The following COL24A1 variants were observed in gnomAD, a reference collection of about 807,000 sequenced individuals.
The protein encoded by COL24A1 is collagen alpha-1(XXIV) chain.
COL24A1 carries 224 observed loss-of-function variants against 253.9 expected under a neutral mutation model. The ratio of observed to expected loss-of-function variants is 0.88; its 90% CI spans 0.79 to 0.99. The LOEUF is 0.99. Among genes scored for constraint, COL24A1 ranks in the 50% least tolerant of loss-of-function variants. The pLI is 0.00. For synonymous variants in COL24A1, 685 were observed against 673.7 expected (o/e 1.02, Z -0.26); for missense variants, 2,131 against 2,068.5 (o/e 1.03, Z -0.59).
intron 5 of COL24A1, among the ~76,000 whole-genome samples, chr1:86,111,061 A>G (rs1705534687): frequency 6.6e-6 from 1 of 152,238 alleles, no homozygotes; most frequent in Non-Finnish European, 1.5e-5. Flanking sequence ...AGGATTGTAC[A>G]TGCGCCAATC....
chr1:85,980,052 G>A (rs1480207731), intron 20 of COL24A1, among the ~76,000 whole-genome samples: 1 of 152,100 alleles, frequency 6.6e-6, no homozygotes, highest in Non-Finnish European at 1.5e-5. Flanking sequence ...CAATAAATGT[G>A]ATACATCACA....
chr1:85,824,903 TTTATTATTA>T (rs67610324), intron 43 of COL24A1, among the ~76,000 whole-genome samples: 10,755 of 144,722 alleles, frequency 0.074, 1,069 homozygotes, highest in African/African-American at 0.22. Flanking sequence ...TATTTATTCT[TTTATTATTA>T]TTATTATTAT....
chr1:85,846,230 C>CA (rs1229262479), intron 39 of COL24A1, among the ~76,000 whole-genome samples: 1 of 151,240 alleles, frequency 6.6e-6, no homozygotes, highest in Non-Finnish European at 1.5e-5. Flanking sequence ...AAAATACCCA[C>CA]AAAAAAACCA....
intron 39 of COL24A1, among the ~76,000 whole-genome samples, chr1:85,845,675 C>T (rs1677078675): frequency 6.6e-6 from 1 of 151,654 alleles, no homozygotes; most frequent in Admixed American, 6.6e-5. Context: ...AATATAATAG[C>T]ACCAACAGCA....
intron 14 of COL24A1, among the ~76,000 whole-genome samples, chr1:86,024,224 A>G (rs922707034): frequency 2.0e-5 from 3 of 152,164 alleles, no homozygotes; most frequent in African/African-American, 7.2e-5. Context: ...GACAGTTACC[A>G]GTACTAGAAT....
intron 41 of COL24A1, 126 bp downstream of exon 41, chr1:85,841,942 T>C: frequency 1.5e-6 from 1 of 688,566 alleles, no homozygotes; most frequent in Non-Finnish European, 2.5e-6. Flanking sequence ...CTTCCAGAAT[T>C]AGTAAAATTT....
intron 18 of COL24A1, among the ~76,000 whole-genome samples, chr1:86,020,129 G>A (rs583203): frequency 0.33 from 46,232 of 141,546 alleles, 7,792 homozygotes; most frequent in Middle Eastern, 0.52. Flanking sequence ...GTCCAGTGGC[G>A]CAATCTTGAC....
At chr1:85,980,324 T>C (rs752875326) in intron 20 of COL24A1, among the ~76,000 whole-genome samples, 4 of 152,162 alleles carry the variant, frequency 2.6e-5, no homozygotes, top group Non-Finnish European at 4.4e-5. Flanking sequence ...ATTGTACTGG[T>C]AGTCCTAGCC....
intron 47 of COL24A1, among the ~76,000 whole-genome samples, chr1:85,799,742 T>C (rs998801392): frequency 5.3e-5 from 8 of 152,248 alleles, no homozygotes; most frequent in Non-Finnish European, 7.3e-5. Context: ...GAGAAAATTA[T>C]TTTATTTTTA....
intron 20 of COL24A1, among the ~76,000 whole-genome samples, chr1:85,971,781 T>G (rs1056074606): frequency 6.6e-6 from 1 of 152,118 alleles, no homozygotes; most frequent in Admixed American, 6.5e-5. Context: ...TAATATCTAT[T>G]AAGAGATCTG....
Position 85,875,330 on chromosome 1 carries a change from C to G in COL24A1, c.3031G>C (p.Gly1011Arg), listed in dbSNP as rs1219018970. The G allele has an allele frequency of 6.2e-7, 1 of 1,612,944 alleles. No homozygotes were observed. Among genetic ancestry groups the G allele is most frequent in the East Asian group, 2.2e-5 (1 of 44,854 alleles). Reference protein sequence around the residue: ...VGPPGEMGMEGPPGTEGESGL... With the variant: ...VGPPGEMGMERPPGTEGESGL... ...GACTCTCCCTCAGTGCCTGGAGGTC[C>G]CTACAAGAGAATAATTTAACACATT... The change falls in exon 34 of 60, where the codon GGA (glycine) becomes CGA (arginine). Residue 1011 changes from glycine (G) to arginine (R), a missense_variant and splice_region_variant. By Grantham distance (125) the Gly-to-Arg change is moderately radical. Coordinates refer to ENST00000370571, the MANE Select transcript of COL24A1 (RefSeq NM_152890.7).
chr1:86,066,087 A>G (rs1701454145), intron 7 of COL24A1, among the ~76,000 whole-genome samples: 1 of 152,218 alleles, frequency 6.6e-6, no homozygotes, highest in South Asian at 2.1e-4. Context: ...AATGCTGCTA[A>G]GATAAGCTGC....
chr1:85,908,687 T>C lies in COL24A1; in HGVS notation c.2671-36A>G, dbSNP rs779131062. On this transcript the variant is annotated intron_variant, in intron 26 of 59. Transcript: ENST00000370571. ...AGGAAAATATAAAAGAAGTAAAATA[T>C]TCATGACTTTAAATTATTTTCATTG... 4.2e-6 allele frequency: 4 copies of C among 957,656 alleles called. No individual in the cohort carries two copies. The South Asian group carries it at 9.2e-5, about 22-fold the overall frequency. The allele number at this position is 957,656 out of a possible 1,614,324, so 59.3% of individuals were successfully genotyped here. A position where few individuals can be genotyped will look rare whatever the true frequency, so the allele number is the denominator to read the frequency against.
intron 45 of COL24A1, among the ~76,000 whole-genome samples, chr1:85,822,965 T>C (rs1336937032): frequency 1.3e-5 from 2 of 152,152 alleles, no homozygotes; most frequent in Non-Finnish European, 2.9e-5. Flanking sequence ...TCCTCTTAAG[T>C]AATTTTCCAT....
At chr1:85,815,391 A>T (rs1309801715) in intron 47 of COL24A1, among the ~76,000 whole-genome samples, 1 of 152,170 alleles carries the variant, frequency 6.6e-6, no homozygotes, top group Non-Finnish European at 1.5e-5. Context: ...TGATACTACT[A>T]GCAAAAGTCT....
chr1:85,817,901 T>C, intron 46 of COL24A1, 133 bp downstream of exon 46: 1 of 736,570 alleles, frequency 1.4e-6, no homozygotes, highest in Non-Finnish European at 2.3e-6. Flanking sequence ...TGTTCCAGCA[T>C]GGGTTTAATT....
intron 55 of COL24A1, among the ~76,000 whole-genome samples, chr1:85,756,937 G>A (rs959008707): frequency 6.6e-6 from 1 of 152,212 alleles, no homozygotes; most frequent in African/African-American, 2.4e-5. Context: ...ATTACGTTAA[G>A]TGAAATAAGC....
At chr1:85,805,612 T>C (rs977131118) in intron 47 of COL24A1, among the ~76,000 whole-genome samples, 1 of 152,176 alleles carries the variant, frequency 6.6e-6, no homozygotes, top group Admixed American at 6.5e-5. Context: ...TTACTTAATT[T>C]CTCAGTGCCT....
At chr1:85,787,612 T>C (rs1022191373) in intron 47 of COL24A1, among the ~76,000 whole-genome samples, 8 of 152,214 alleles carry the variant, frequency 5.3e-5, no homozygotes, top group African/African-American at 1.7e-4. Flanking sequence ...CAGTCTATCA[T>C]TGATGGGCAT....
Sources: allele counts gnomAD v4.1 joint callset (sites outside exome capture counted in the v4.1 genomes callset), GRCh38; gene constraint gnomAD v4.1.1; transcripts MANE v1.5; gene names NCBI Gene and HGNC (gene_info 2026-07-23, HGNC 2026-07-21).